The following TBC1D8 variants were observed in gnomAD, a reference collection of about 807,000 sequenced individuals.
The protein encoded by TBC1D8 is TBC1 domain family member 8.
A neutral mutation model predicts 118.8 loss-of-function variants in TBC1D8; 65 were observed. That is an observed-to-expected ratio of 0.55 (90% confidence interval 0.45 to 0.67). The LOEUF (loss-of-function observed/expected upper bound fraction) is 0.67, where lower values mean the gene tolerates loss of function less well. TBC1D8 is among the 30% of genes least tolerant of loss of function. The probability of loss-of-function intolerance (pLI) is 0.00; values close to 1 mark genes in which losing one functional copy is unlikely to be tolerated. For synonymous variants in TBC1D8, 566 were observed against 595.8 expected (o/e 0.95, Z 0.73); for missense variants, 1,376 against 1,471.2 (o/e 0.94, Z 1.06).
chr2:101,025,715 A>G (rs922113730), intron 15 of TBC1D8, among the ~76,000 whole-genome samples: 5 of 152,254 alleles, frequency 3.3e-5, no homozygotes, highest in Admixed American at 1.3e-4. Context: ...CTAGAGCACA[A>G]TAACCCACCA....
At chr2:101,042,683 A>C (rs1681455258) in intron 5 of TBC1D8, among the ~76,000 whole-genome samples, 1 of 152,142 alleles carries the variant, frequency 6.6e-6, no homozygotes, top group Admixed American at 6.5e-5. Flanking sequence ...TTGTCTTTGC[A>C]TAGTGGGACT....
chr2:101,134,170 TTCTCTC>T (rs34487679), intron 1 of TBC1D8, among the ~76,000 whole-genome samples: 66 of 126,324 alleles, frequency 5.2e-4, no homozygotes, highest in East Asian at 1.0e-3. Flanking sequence ...TCTCTTCTCT[TTCTCTC>T]TCTCTCTCTC....
chr2:101,038,413 G>A (rs373810446), intron 7 of TBC1D8, 48 bp downstream of exon 7: 429 of 1,590,034 alleles, frequency 2.7e-4, no homozygotes, highest in Admixed American at 5.2e-4. Context: ...TGGAGACCAC[G>A]GCCTGAGACA....
chr2:101,015,329 T>C (rs2105367026), intron 17 of TBC1D8, among the ~76,000 whole-genome samples: 1 of 152,260 alleles, frequency 6.6e-6, no homozygotes. Context: ...AATCAGTGAG[T>C]AGCGAGTGAA....
rs371181156 is a variant in TBC1D8, at chr2:101,133,114, C to T, written c.127+18013G>A. Among the ~76,000 whole-genome samples, 7 of 146,840 alleles carry T rather than the reference C, an allele frequency of 4.8e-5. No homozygotes were observed. In the South Asian group the frequency reaches 1.3e-3, roughly 28 times the overall value. On this transcript the variant is annotated intron_variant, in intron 1 of 19. Transcript: ENST00000409318. ...GGCGGAGGTTGCAGTGAGCTGAGAT[C>T]GAGCCACTGCACTCCAGCCTGGGTG...
intron 15 of TBC1D8, among the ~76,000 whole-genome samples, chr2:101,026,760 T>A (rs1426857598): frequency 6.6e-6 from 1 of 152,246 alleles, no homozygotes; most frequent in Non-Finnish European, 1.5e-5. Context: ...AAAACTCTAG[T>A]AATGTGCCTG....
Position 101,038,457 on chromosome 2 carries a change from A to T in TBC1D8, c.1275+4T>A. The T allele has an allele frequency of 6.2e-7, 1 of 1,613,214 alleles. No homozygotes were observed. The highest frequency in any genetic ancestry group is 8.5e-7 in the Non-Finnish European group (1 of 1,179,600). ...GGGATCATCAGGGTCTGGAGGGACC[A>T]TACCATGTCATCATCCGCAGAGGTG... On this transcript the variant is annotated splice_donor_region_variant and intron_variant, in intron 7 of 19. Transcript: ENST00000409318.
intron 1 of TBC1D8, among the ~76,000 whole-genome samples, chr2:101,095,466 T>C (rs1004390420): frequency 2.8e-5 from 4 of 140,826 alleles, no homozygotes; most frequent in African/African-American, 1.0e-4. Context: ...TGTGTTCTCA[T>C]TGTTCAATTC....
chr2:101,076,462 A>C (rs1439780414), intron 2 of TBC1D8, among the ~76,000 whole-genome samples: 1 of 152,250 alleles, frequency 6.6e-6, no homozygotes, highest in Non-Finnish European at 1.5e-5. Flanking sequence ...CGCAGCCTAT[A>C]GAGTATTCTT....
chr2:101,108,907 ATACCAC>A (rs1442134023), intron 1 of TBC1D8, among the ~76,000 whole-genome samples: 1 of 152,242 alleles, frequency 6.6e-6, no homozygotes, highest in Non-Finnish European at 1.5e-5. Flanking sequence ...CAAATAGGCC[ATACCAC>A]TACAAGTTGT....
At chr2:101,060,243 C>T (rs897419299) in intron 2 of TBC1D8, among the ~76,000 whole-genome samples, 1 of 152,206 alleles carries the variant, frequency 6.6e-6, no homozygotes, top group Admixed American at 6.5e-5. Context: ...TCCTAAGCAG[C>T]CTTGCAAAGT....
At chr2:101,087,299 A>G (rs1675701176) in intron 2 of TBC1D8, among the ~76,000 whole-genome samples, 1 of 152,006 alleles carries the variant, frequency 6.6e-6, no homozygotes. Context: ...CACTGACATT[A>G]TGGAGGGAAA....
intron 2 of TBC1D8, among the ~76,000 whole-genome samples, chr2:101,081,960 G>A (rs1675292461): frequency 6.6e-6 from 1 of 152,142 alleles, no homozygotes; most frequent in African/African-American, 2.4e-5. Context: ...CCAACATGAT[G>A]AAACTCTGTC....
At chr2:101,059,640 T>C (rs577134494) in intron 2 of TBC1D8, 101 bp from the exon 3 acceptor site, 3 of 1,058,494 alleles carry the variant, frequency 2.8e-6, no homozygotes, top group East Asian at 2.4e-5. Flanking sequence ...CCCATGTTGA[T>C]GTTAAAACAT....
At chr2:101,016,818 A>C (rs1353252751) in intron 17 of TBC1D8, among the ~76,000 whole-genome samples, 1 of 152,014 alleles carries the variant, frequency 6.6e-6, no homozygotes, top group Non-Finnish European at 1.5e-5. Flanking sequence ...GTAAACTATC[A>C]CAAGGACAAA....
At chr2:101,097,038 T>C (rs1372709736) in intron 1 of TBC1D8, among the ~76,000 whole-genome samples, 1 of 152,066 alleles carries the variant, frequency 6.6e-6, no homozygotes, top group Non-Finnish European at 1.5e-5. Flanking sequence ...CATATTCAAA[T>C]TGCAGAAATG....
At chr2:101,118,232 T>G (rs1430019610) in intron 1 of TBC1D8, among the ~76,000 whole-genome samples, 1 of 152,102 alleles carries the variant, frequency 6.6e-6, no homozygotes, top group Non-Finnish European at 1.5e-5. Flanking sequence ...GTACTTTTTT[T>G]TTCATTTGTA....
At chr2:101,046,810 T>C (rs970763174) in intron 5 of TBC1D8, among the ~76,000 whole-genome samples, 1 of 152,132 alleles carries the variant, frequency 6.6e-6, no homozygotes, top group African/African-American at 2.4e-5. Context: ...GGGCAGCCGC[T>C]ATTCATCTTT....
intron 5 of TBC1D8, among the ~76,000 whole-genome samples, chr2:101,045,645 G>C (rs1413300689): frequency 6.6e-6 from 1 of 152,210 alleles, no homozygotes; most frequent in Non-Finnish European, 1.5e-5. Flanking sequence ...TCTGCGGTGA[G>C]TTTGCCTCAT....
Sources: allele counts gnomAD v4.1 joint callset (sites outside exome capture counted in the v4.1 genomes callset), GRCh38; gene constraint gnomAD v4.1.1; transcripts MANE v1.5; gene names NCBI Gene and HGNC (gene_info 2026-07-23, HGNC 2026-07-21).